Variants in KCNAB2 observed in about 807,000 individuals in gnomAD.
KCNAB2 encodes voltage-gated potassium channel subunit beta-2.
A neutral mutation model predicts 63.6 loss-of-function variants in KCNAB2; 29 were observed. The observed-to-expected ratio is 0.46, with a 90% CI of 0.34 to 0.62. KCNAB2 has a LOEUF of 0.62. Among genes scored for constraint, KCNAB2 ranks in the 20% least tolerant of loss-of-function variants. The probability of loss-of-function intolerance (pLI) is 0.01; values close to 1 mark genes in which losing one functional copy is unlikely to be tolerated. For missense variants in KCNAB2, 359 were observed against 563.9 expected (o/e 0.64, Z 3.68); for synonymous variants, 222 against 224.2 (o/e 0.99, Z 0.09).
chr1:6,065,942 A>G (rs566811512), intron 2 of KCNAB2, among the ~76,000 whole-genome samples: 125 of 152,340 alleles, frequency 8.2e-4, no homozygotes, highest in Non-Finnish European at 1.5e-3. Context: ...GAATGCCTGC[A>G]GCTTCCTTGG....
At chr1:6,066,018 C>T (rs1284491666) in intron 2 of KCNAB2, among the ~76,000 whole-genome samples, 2 of 152,202 alleles carry the variant, frequency 1.3e-5, no homozygotes, top group Non-Finnish European at 2.9e-5. Flanking sequence ...GCTCCTGAGC[C>T]CAAGGGGACA....
At chr1:6,037,871 T>G (rs1570922279) in intron 1 of KCNAB2, among the ~76,000 whole-genome samples, 1 of 138,664 alleles carries the variant, frequency 7.2e-6, no homozygotes. Context: ...TGAATGAGGG[T>G]CTTTTTTTTT....
intron 2 of KCNAB2, among the ~76,000 whole-genome samples, chr1:6,063,312 C>T (rs552556877): frequency 1.9e-4 from 29 of 152,098 alleles, no homozygotes; most frequent in Non-Finnish European, 3.4e-4. Flanking sequence ...TGTGAGCCAC[C>T]GTGGATATTT....
chr1:5,997,856 T>C (rs1336526416), intron 1 of KCNAB2, among the ~76,000 whole-genome samples: 3 of 152,186 alleles, frequency 2.0e-5, no homozygotes. Flanking sequence ...AAACATTGCT[T>C]AAAACCTATA....
At chr1:6,033,979 G>A (rs536434988), upstream of KCNAB2, among the ~76,000 whole-genome samples, 72 of 152,318 alleles carry the variant, frequency 4.7e-4, no homozygotes, top group African/African-American at 1.7e-3. Context: ...TGGACCCTGG[G>A]CCCTGCACCC....
In KCNAB2 at chr1:6,078,449, CG is replaced by C. The variant is rs1300462461; in HGVS notation, c.301-3741del. Among the ~76,000 whole-genome samples the C allele has an allele frequency of 1.4e-5, 2 of 144,868 alleles. No homozygotes were observed. Among genetic ancestry groups the C allele is most frequent in the Middle Eastern group, 3.5e-3 (1 of 284 alleles). On this transcript the variant is annotated intron_variant, in intron 4 of 15. Transcript: ENST00000378083. This position sits in a 1 kb window ranked among gnomAD's most constrained non-coding sequence, Gnocchi z 4.2. ...AAGTAGAAAAAGGAGGGCAGGGGGG[CG>C]GGGGTCCTGACGACAGGGTGGTCAG...
chr1:6,090,783 G>A (rs911485445), intron 9 of KCNAB2, among the ~76,000 whole-genome samples: 5 of 152,126 alleles, frequency 3.3e-5, no homozygotes, highest in African/African-American at 9.7e-5. Flanking sequence ...TCCCCTCTGC[G>A]GCTGCTATTT....
rs764093943 is a variant in KCNAB2 at position 6,024,945 on chromosome 1, C to T, written c.-52-15572C>T. On this transcript the variant is annotated intron_variant, in intron 1 of 16. Coordinates refer to the KCNAB2 transcript ENST00000341524. The surrounding 1 kb of genome is among the most constrained non-coding windows in gnomAD (Gnocchi z 5.4). ...CCTCAATTTCCCCATCTGTAAAAAGCATGTCATAGTCAGGGTTGGGAGCAA... is the reference window on the plus strand; with the variant it reads ...CCTCAATTTCCCCATCTGTAAAAAGTATGTCATAGTCAGGGTTGGGAGCAA... Among the ~76,000 whole-genome samples the T allele has an allele frequency of 1.3e-5, 2 of 152,196 alleles. No homozygotes were observed. Among genetic ancestry groups the T allele is most frequent in the Non-Finnish European group, 2.9e-5 (2 of 68,034 alleles).
At chr1:6,009,787 T>C in intron 1 of KCNAB2, among the ~76,000 whole-genome samples, 1 of 152,198 alleles carries the variant, frequency 6.6e-6, no homozygotes, top group East Asian at 1.9e-4. Context: ...TGTCTCTCTA[T>C]GTCTTTAGCA....
chr1:6,041,699 C>A, upstream of KCNAB2: 1 of 755,066 alleles, frequency 1.3e-6, no homozygotes, highest in Non-Finnish European at 2.3e-6. Context: ...GAGCAGGCGA[C>A]TGGTGGGGGC....
chr1:6,068,886 G>T (rs987020459), intron 2 of KCNAB2, among the ~76,000 whole-genome samples: 1 of 152,200 alleles, frequency 6.6e-6, no homozygotes, highest in African/African-American at 2.4e-5. Context: ...AACTAAAGGT[G>T]CATGGCCAGT....
In KCNAB2 at chr1:6,099,534, G is replaced by T. The variant is rs1384533603; in HGVS notation, c.*960G>T. On this transcript the variant is annotated 3_prime_UTR_variant, in exon 16 of 16. Transcript: ENST00000378083. ...CCACGGCAAGTGGCAGCAGGGGCCGGCCCTGTGCACAAGGATGCACTCCTC... is the reference window on the plus strand; with the variant it reads ...CCACGGCAAGTGGCAGCAGGGGCCGTCCCTGTGCACAAGGATGCACTCCTC... 3 of 401,310 alleles carry T rather than the reference G, an allele frequency of 7.5e-6. No individual in the cohort carries two copies. The highest frequency in any genetic ancestry group is 1.3e-5 in the Non-Finnish European group (3 of 227,630). 24.9% of individuals were successfully genotyped at this position (401,310 alleles called of 1,614,324 possible). A position where few individuals can be genotyped will look rare whatever the true frequency, so the allele number is the denominator to read the frequency against.
At chr1:6,009,997 T>C (rs1335048326) in intron 1 of KCNAB2, among the ~76,000 whole-genome samples, 1 of 151,810 alleles carries the variant, frequency 6.6e-6, no homozygotes, top group Admixed American at 6.6e-5. Flanking sequence ...CGGCCTCTGG[T>C]GTAGCTGGGA....
chr1:6,041,799 C>G (rs1288267742), upstream of KCNAB2: 1 of 1,602,934 alleles, frequency 6.2e-7, no homozygotes, highest in South Asian at 1.1e-5. Context: ...CTCCCTTTCT[C>G]CTTTTTCTCT....
upstream of KCNAB2, among the ~76,000 whole-genome samples, chr1:6,033,042 A>G (rs2100403328): frequency 6.6e-6 from 1 of 152,372 alleles, no homozygotes; most frequent in Middle Eastern, 3.4e-3. Context: ...AACACCTAAT[A>G]GAGGATCAGG....
intron 15 of KCNAB2, chr1:6,097,605 A>T: frequency 1.5e-6 from 1 of 666,892 alleles, no homozygotes; most frequent in South Asian, 2.0e-5. Context: ...GAAGCCAGAG[A>T]TAAAGGGAGG....
chr1:6,057,324 G>T (rs1661924786), intron 2 of KCNAB2, among the ~76,000 whole-genome samples: 1 of 152,090 alleles, frequency 6.6e-6, no homozygotes, highest in South Asian at 2.1e-4. Context: ...TACTTGGTTG[G>T]TTGCCAGGTT....
Position 6,087,361 on chromosome 1 carries a change from G to C in KCNAB2, c.426-106G>C. 8.2e-7 allele frequency: 1 copy of C among 1,226,558 alleles called. No individual in the cohort carries two copies. The highest frequency in any genetic ancestry group is 1.2e-5 in the South Asian group (1 of 82,764). 76.0% of individuals were successfully genotyped at this position (1,226,558 alleles called of 1,614,324 possible). Reference sequence around the variant, plus strand: ...ATTTCATGCCCCAGGCTCCTGGGTGGGAGGGCTTTCAGGACCTCTGTGTGA... The same window carrying C: ...ATTTCATGCCCCAGGCTCCTGGGTGCGAGGGCTTTCAGGACCTCTGTGTGA... On this transcript the variant is annotated intron_variant, in intron 6 of 15. Transcript: ENST00000378083. The surrounding 1 kb of genome is among the most constrained non-coding windows in gnomAD (Gnocchi z 6.4).
chr1:6,026,961 C>A (rs543747212), intron 1 of KCNAB2, among the ~76,000 whole-genome samples: 1 of 152,196 alleles, frequency 6.6e-6, no homozygotes, highest in Non-Finnish European at 1.5e-5. Context: ...TGGCGTGGGT[C>A]CCCAGTCCCT....
Sources: gnomAD v4.1 joint callset for allele counts (sites outside exome capture counted in the v4.1 genomes callset) on GRCh38, gnomAD v4.1.1 for gene constraint, Gnocchi (gnomAD v3.1) non-coding constraint, MANE v1.5 for transcripts, NCBI Gene and HGNC (gene_info 2026-07-23, HGNC 2026-07-21) for gene names.